The following TIGD4 variants were observed in gnomAD, a reference collection of about 807,000 sequenced individuals.
TIGD4 encodes tigger transposable element derived 4.
In TIGD4, 20 loss-of-function variants were observed where a neutral mutation model predicts 24.9. The ratio of observed to expected loss-of-function variants is 0.80; its 90% CI spans 0.56 to 1.17. TIGD4 has a LOEUF of 1.17. TIGD4 is among the 50% of genes most tolerant of loss of function. The pLI is 0.00. For synonymous variants in TIGD4, 193 were observed against 211.0 expected (o/e 0.91, Z 0.74); for missense variants, 566 against 591.0 (o/e 0.96, Z 0.44).
rs769839795 is a variant in TIGD4 at position 152,770,293 on chromosome 4, T to C, written c.712A>G (p.Thr238Ala). 1.1e-5 allele frequency: 18 copies of C among 1,613,650 alleles called. No homozygotes were observed. The highest frequency in any genetic ancestry group is 6.7e-5 in the African/African-American group (5 of 74,832). The stretch of plus-strand genomic sequence containing the variant: ...TTTAAACCTTTGAAACAATGTGGAG[T>C]TCTCTTTTTTCCAATGACAAGCAAA... ...LPLLVIGKKRTPHCFKGLKSL... is the reference protein window; with the variant it reads ...LPLLVIGKKRAPHCFKGLKSL... The change falls in exon 2 of 2, where the codon ACT becomes GCT. Residue 238 changes from threonine to alanine, a missense_variant. Thr to Ala is a moderately conservative substitution (Grantham distance 58). Transcript: ENST00000304337.
In TIGD4 at chr4:152,769,893, A is replaced by G. The variant is rs1730131747; in HGVS notation, c.1112T>C (p.Ile371Thr). The change falls in exon 2 of 2, where the codon ATT becomes ACT. Residue 371 changes from isoleucine (I) to threonine (T), a missense_variant. Ile to Thr is a moderately conservative substitution (Grantham distance 89). Coordinates refer to ENST00000304337, the MANE Select transcript of TIGD4 (RefSeq NM_145720.4). The part of the protein sequence containing the change: ...LCWRAVTPET[I>T]VKSYEEAGFK... ...TCCTGCCTCTTCATAGCTTTTAACA[A>G]TAGTCTCTGGGGTTACAGCCCTCCA... 6.2e-7 allele frequency: 1 copy of G among 1,613,622 alleles called. No individual in the cohort carries two copies. Among genetic ancestry groups the G allele is most frequent in the Non-Finnish European group, 8.5e-7 (1 of 1,179,640 alleles).
rs1183826634 is a variant in TIGD4 at position 152,769,592 on chromosome 4, T to A, written c.1413A>T (p.Ser471=). 2 of 1,613,670 alleles carry A rather than the reference T, an allele frequency of 1.2e-6. No individual in the cohort carries two copies. The highest frequency in any genetic ancestry group is 1.7e-6 in the Non-Finnish European group (2 of 1,179,830). ...CTAAAGCAGTTATTGCCTCAGATTT[T>A]GATGGTAAAGGGAGTTCAGTTCCTG... The part of the protein sequence containing the change: ...GSPGTELPLP[S]KSEAITALDT... Residue 471 remains serine (S), a synonymous_variant, in exon 2 of 2, where the codon TCA becomes TCT. Coordinates refer to ENST00000304337, the MANE Select transcript of TIGD4 (RefSeq NM_145720.4).
chr4:152,775,540 GT>G (rs778085319), intron 1 of TIGD4, among the ~76,000 whole-genome samples: 7 of 152,218 alleles, frequency 4.6e-5, no homozygotes, highest in Non-Finnish European at 8.8e-5. Context: ...ATGGTCCCTA[GT>G]TTTTTTGGTT....
chr4:152,770,240 G>A lies in TIGD4; in HGVS notation c.765C>T (p.Asn255=). The A allele has an allele frequency of 6.2e-7, 1 of 1,614,056 alleles. No homozygotes were observed. Residue 255 remains asparagine (N), a synonymous_variant, in exon 2 of 2, where the codon AAC becomes AAT. Coordinates refer to ENST00000304337, the MANE Select transcript of TIGD4 (RefSeq NM_145720.4). ...LKSLPVCYEA[N]RMAWMTSDVF... is the part of the protein sequence containing the mutation. ...CATCGGAGGTCATCCATGCCATTCT[G>A]TTAGCTTCATAACACACAGGCAATG...
rs200084570 is a variant in TIGD4 at position 152,770,336 on chromosome 4, A to T, written c.669T>A (p.Asp223Glu). 1 of 1,614,144 alleles carries T rather than the reference A, an allele frequency of 6.2e-7. No homozygotes were observed. Among genetic ancestry groups the T allele is most frequent in the East Asian group, 2.2e-5 (1 of 44,886 alleles). Residue 223 changes from aspartate to glutamate, a missense_variant, in exon 2 of 2, where the codon GAT (aspartate) becomes GAA (glutamate). Physicochemically the swap from Asp to Glu is conservative, Grantham distance 45. Coordinates refer to ENST00000304337, the MANE Select transcript of TIGD4 (RefSeq NM_145720.4). ...CAAGCAAAGGAAGTTTCTCTGAGCCATCCATGTTTGTGCCAACCACCAGAG... is the reference window on the plus strand; with the variant it reads ...CAAGCAAAGGAAGTTTCTCTGAGCCTTCCATGTTTGTGCCAACCACCAGAG... ...RITLVVGTNMDGSEKLPLLVI... is the reference protein window; with the variant it reads ...RITLVVGTNMEGSEKLPLLVI...
chr4:152,777,283 A>T (rs528111457), intron 1 of TIGD4, among the ~76,000 whole-genome samples: 3 of 152,324 alleles, frequency 2.0e-5, no homozygotes, highest in East Asian at 1.9e-4. Context: ...CACAAGCCCA[A>T]TGAATAAATA....
intron 1 of TIGD4, among the ~76,000 whole-genome samples, chr4:152,773,801 T>C (rs545114608): frequency 2.5e-4 from 38 of 152,276 alleles, no homozygotes; most frequent in African/African-American, 8.7e-4. Context: ...ATCTTGCTTG[T>C]ATATGGGATC....
intron 1 of TIGD4, among the ~76,000 whole-genome samples, chr4:152,778,266 G>A (rs527774476): frequency 8.5e-5 from 13 of 152,258 alleles, no homozygotes; most frequent in Admixed American, 7.8e-4. Flanking sequence ...ATAACAGCCA[G>A]CAAAAACAAT....
chr4:152,778,767 T>C (rs1730316164), intron 1 of TIGD4, among the ~76,000 whole-genome samples: 1 of 152,190 alleles, frequency 6.6e-6, no homozygotes, highest in African/African-American at 2.4e-5. Flanking sequence ...TGAAACTCCC[T>C]GGAAATCTGT....
In TIGD4 at chr4:152,779,497, C is replaced by G. The variant is rs1461411528; in HGVS notation, c.-554G>C. 6.6e-6 allele frequency: 1 copy of G among 152,346 alleles called. No individual in the cohort carries two copies. Among genetic ancestry groups the G allele is most frequent in the African/African-American group, 2.4e-5 (1 of 41,446 alleles). The allele number at this position is 152,346 out of a possible 1,614,324, so 9.4% of individuals were successfully genotyped here. A position where few individuals can be genotyped will look rare whatever the true frequency, so the allele number is the denominator to read the frequency against. On this transcript the variant is annotated 5_prime_UTR_variant, in exon 1 of 2. Transcript: ENST00000304337. ...CTGGAATAACCTTCTTCGTGCTCTC[C>G]GGTGGCTGAGAAAGCAGCTTTCGCT...
At chr4:152,778,383 G>T (rs372409028) in intron 1 of TIGD4, among the ~76,000 whole-genome samples, 2 of 152,176 alleles carry the variant, frequency 1.3e-5, no homozygotes, top group African/African-American at 4.8e-5. Flanking sequence ...TTAGCTGCAA[G>T]TTCTGTAGTT....
Position 152,770,874 on chromosome 4 carries a change from G to T in TIGD4, c.131C>A (p.Ala44Asp). The T allele has an allele frequency of 6.2e-7, 1 of 1,613,824 alleles. No homozygotes were observed. The highest frequency in any genetic ancestry group is 8.5e-7 in the Non-Finnish European group (1 of 1,179,878). Residue 44 changes from alanine (A) to aspartate (D), a missense_variant, in exon 2 of 2, where the codon GCT (alanine) becomes GAT (aspartate). Physicochemically the swap from Ala to Asp is moderately radical, Grantham distance 126. Transcript: ENST00000304337. ...TGAATTTTTCTTTATTCCATATTCA[G>T]CAGCAATCTCTGCTTTTTTCTTGCC... ...ESGKKKAEIA[A>D]EYGIKKNSLS...
At chr4:152,772,780 C>T (rs202164489) in intron 1 of TIGD4, among the ~76,000 whole-genome samples, 32 of 151,926 alleles carry the variant, frequency 2.1e-4, no homozygotes, top group African/African-American at 7.5e-4. Flanking sequence ...GGCACAATCT[C>T]GGCTCACTGC....
intron 1 of TIGD4, among the ~76,000 whole-genome samples, chr4:152,775,064 T>C (rs916111570): frequency 6.6e-6 from 1 of 152,082 alleles, no homozygotes; most frequent in African/African-American, 2.4e-5. Flanking sequence ...TACAGGCATG[T>C]GCCACCACGT....
intron 1 of TIGD4, among the ~76,000 whole-genome samples, chr4:152,774,596 A>C (rs1180616927): frequency 1.3e-5 from 2 of 152,248 alleles, no homozygotes; most frequent in Non-Finnish European, 2.9e-5. Context: ...ATGTTAGGGA[A>C]TATTTTCTCT....
At position 152,770,357 on chromosome 4, in the gene TIGD4, CAG is replaced by C; in HGVS notation, c.646_647del (p.Leu216GlyfsTer37). ...AGCCATCCATGTTTGTGCCAACCAC[CAG>C]AGTTATTCTGTCTTTGCATAACTTT... is the stretch of plus-strand genomic sequence containing the variant. ...VGKLCKDRIT[L>X]VVGTNMDGSE... On this transcript the variant is annotated frameshift_variant, in exon 2 of 2. Transcript: ENST00000304337. LOFTEE classifies it high-confidence loss of function. 4 of 1,614,114 alleles carry C rather than the reference CAG, an allele frequency of 2.5e-6. No individual in the cohort carries two copies. The highest frequency in any genetic ancestry group is 2.5e-6 in the Non-Finnish European group (3 of 1,179,964).
chr4:152,769,952 T>C lies in TIGD4; in HGVS notation c.1053A>G (p.Ser351=). The C allele has an allele frequency of 6.2e-7, 1 of 1,613,004 alleles. No homozygotes were observed. The highest frequency in any genetic ancestry group is 1.7e-5 in the Admixed American group (1 of 59,998). ...GCAATGTATCAACTGCATCTAGTAG[T>C]GAAAATGTAAATTCTTTGCTACCTT... ...SVEGSKEFTF[S]LLDAVDTLHL... is the part of the protein sequence containing the mutation. The change falls in exon 2 of 2, where the codon TCA becomes TCG. Residue 351 remains serine, a synonymous_variant. Transcript: ENST00000304337.
intron 1 of TIGD4, among the ~76,000 whole-genome samples, chr4:152,777,650 G>A (rs1046996355): frequency 4.7e-4 from 70 of 148,324 alleles, no homozygotes; most frequent in Non-Finnish European, 1.3e-4. Context: ...AAGGGAGGGA[G>A]ACAAGAAGGA....
At chr4:152,771,919 C>G (rs932137542) in intron 1 of TIGD4, among the ~76,000 whole-genome samples, 1 of 152,096 alleles carries the variant, frequency 6.6e-6, no homozygotes, top group Non-Finnish European at 1.5e-5. Flanking sequence ...TCTAACTTCT[C>G]CAAAAGAAAA....
Sources: gnomAD v4.1 joint callset for allele counts (sites outside exome capture counted in the v4.1 genomes callset) on GRCh38, gnomAD v4.1.1 for gene constraint, MANE v1.5 for transcripts, NCBI Gene and HGNC (gene_info 2026-07-23, HGNC 2026-07-21) for gene names.